MED12L: variants seen among roughly 807,000 people sequenced by gnomAD.
MED12L encodes mediator complex subunit 12L.
A neutral mutation model predicts 281.3 loss-of-function variants in MED12L; 60 were observed. The ratio of observed to expected loss-of-function variants is 0.21; its 90% CI spans 0.17 to 0.26. The LOEUF is 0.26. Ranked by LOEUF, MED12L falls within the 10% of genes least tolerant of loss-of-function variation. MED12L has a pLI of 1.00. For synonymous variants in MED12L, 974 were observed against 987.2 expected, an observed-to-expected ratio of 0.99 and a Z score of 0.25; for missense variants, 2,146 against 2,680.9, an observed-to-expected ratio of 0.80 and a Z score of 4.41.
chr3:151,320,888 C>A (rs1432954723), intron 16 of MED12L, among the ~76,000 whole-genome samples: 3 of 152,282 alleles, frequency 2.0e-5, no homozygotes, highest in Middle Eastern at 3.4e-3. Context: ...TTACTTTGGG[C>A]AAAGCATATC....
intron 16 of MED12L, chr3:151,213,085 A>T (rs1727448849): frequency 2.8e-6 from 1 of 361,950 alleles, no homozygotes; most frequent in East Asian, 4.5e-5. Context: ...TTAATAGAGA[A>T]TAGAAAGGTC....
chr3:151,168,242 T>G (rs1026075117), intron 11 of MED12L, among the ~76,000 whole-genome samples: 2 of 152,234 alleles, frequency 1.3e-5, no homozygotes, highest in Non-Finnish European at 2.9e-5. Flanking sequence ...AGAAGGTTAT[T>G]AGAACTTCTG....
chr3:151,250,021 CAAAGCTCTCCCTT>C (rs1157757608), intron 16 of MED12L, among the ~76,000 whole-genome samples: 1 of 152,160 alleles, frequency 6.6e-6, no homozygotes, highest in African/African-American at 2.4e-5. Flanking sequence ...CGAAAACCCT[CAAAGCTCTCCCTT>C]AAATGTGAAT....
chr3:151,116,418 A>G lies in MED12L; in HGVS notation c.180A>G (p.Arg60=). The change falls in exon 3 of 45, where the codon AGA becomes AGG. Residue 60 remains arginine (R), a synonymous_variant. Transcript: ENST00000687756. ...CTGGAGATGAACATGGCTCAGCCAGAAATATTGTAATTAACCCATCAAAGG... is the reference window on the plus strand; with the variant it reads ...CTGGAGATGAACATGGCTCAGCCAGGAATATTGTAATTAACCCATCAAAGG... The part of the protein sequence containing the change: ...AFTGDEHGSA[R]NIVINPSKIG... The G allele has an allele frequency of 6.2e-7, 1 of 1,612,492 alleles. No homozygotes were observed.
intron 5 of MED12L, among the ~76,000 whole-genome samples, chr3:151,141,178 G>GGTTTTTTTTTTTTT (rs1716898488): frequency 9.8e-6 from 1 of 102,190 alleles, no homozygotes; most frequent in Non-Finnish European, 1.9e-5. Context: ...TTTTTTTTTT[G>GGTTTTTTTTTTTTT]TTTTTTTTGT....
intron 16 of MED12L, among the ~76,000 whole-genome samples, chr3:151,342,748 A>G (rs971229335): frequency 1.3e-5 from 2 of 152,206 alleles, no homozygotes; most frequent in Admixed American, 1.3e-4. Flanking sequence ...TGTTATTTTT[A>G]AATATGACTA....
chr3:151,338,828 G>A lies in MED12L; in HGVS notation c.2251-11231G>A, dbSNP rs6785930. On this transcript the variant is annotated intron_variant, in intron 16 of 44. Coordinates refer to ENST00000687756, the MANE Select transcript of MED12L (RefSeq NM_001393769.1). ...TGGTGTTACCAGGCGCAGAGGTGAG[G>A]TTGTCGACGGCTTGCATTTCTTGTT... 0.3 allele frequency: 486,228 copies of A among 1,610,536 alleles called. 74,988 individuals carry two copies. Among genetic ancestry groups the A allele is most frequent in the Admixed American group, 0.31 (18,767 of 59,892 alleles).
intron 23 of MED12L, among the ~76,000 whole-genome samples, chr3:151,366,890 C>T (rs1041399328): frequency 5.3e-5 from 8 of 152,080 alleles, no homozygotes; most frequent in Non-Finnish European, 1.2e-4. Flanking sequence ...ACTTTACCTT[C>T]TGCAATTCCT....
At chr3:151,360,235 T>G (rs1407381386) in intron 20 of MED12L, among the ~76,000 whole-genome samples, 4 of 152,170 alleles carry the variant, frequency 2.6e-5, no homozygotes, top group Admixed American at 1.3e-4. Flanking sequence ...AGGAATTTCT[T>G]TCCTTGCTTT....
At chr3:151,373,871 G>A (rs1232974909) in intron 27 of MED12L, among the ~76,000 whole-genome samples, 5 of 152,094 alleles carry the variant, frequency 3.3e-5, no homozygotes, top group Non-Finnish European at 7.4e-5. Flanking sequence ...AGCAGAGAAC[G>A]TTACTGAGAA....
At chr3:151,334,196 C>CTTTTTTTTTTTTTTCTTTTTTTTTT (rs71138494) in intron 16 of MED12L, among the ~76,000 whole-genome samples, 1 of 118,230 alleles carries the variant, frequency 8.5e-6, no homozygotes, top group Non-Finnish European at 1.7e-5. Context: ...TTCTTTCTTT[C>CTTTTTTTTTTTTTTCTTTTTTTTTT]TTTTTTTTTT....
intron 16 of MED12L, among the ~76,000 whole-genome samples, chr3:151,264,589 T>C (rs777070213): frequency 1.3e-5 from 2 of 152,326 alleles, no homozygotes; most frequent in Admixed American, 1.3e-4. Context: ...CCTGAAATTG[T>C]TTCCCTCAAA....
chr3:151,337,220 A>T (rs185223811), intron 16 of MED12L, among the ~76,000 whole-genome samples: 1 of 152,202 alleles, frequency 6.6e-6, no homozygotes, highest in African/African-American at 2.4e-5. Flanking sequence ...TTTATCTTCT[A>T]AATAAACATA....
intron 16 of MED12L, chr3:151,326,699 AG>A (rs1462842903): frequency 1.3e-5 from 2 of 152,240 alleles, no homozygotes; most frequent in Admixed American, 1.3e-4. Context: ...CCAGAAAGGT[AG>A]GCAAGTTCTA....
chr3:151,123,468 A>G (rs541685494), intron 4 of MED12L, among the ~76,000 whole-genome samples: 7 of 152,314 alleles, frequency 4.6e-5, no homozygotes, highest in African/African-American at 1.7e-4. Flanking sequence ...AGGTTTATTC[A>G]TAGCTTCTAG....
intron 16 of MED12L, chr3:151,198,227 A>T (rs1724941889): frequency 2.2e-6 from 1 of 454,804 alleles, no homozygotes; most frequent in Non-Finnish European, 3.8e-6. Context: ...ATTTGGGTTA[A>T]TGAGTAGCAG....
intron 3 of MED12L, among the ~76,000 whole-genome samples, chr3:151,122,440 C>T (rs6414377): frequency 0.3 from 46,099 of 151,940 alleles, 9,015 homozygotes; most frequent in African/African-American, 0.56. Flanking sequence ...CTGACGGGTG[C>T]GTAGTATTAG....
chr3:151,427,622 T>G (rs1719019507), intron 43 of MED12L, among the ~76,000 whole-genome samples: 1 of 152,258 alleles, frequency 6.6e-6, no homozygotes, highest in African/African-American at 2.4e-5. Flanking sequence ...CCCAATATGC[T>G]GTTCAATCAG....
At position 151,384,264 on chromosome 3, in the gene MED12L, A is replaced by G. The variant is rs371324640; in HGVS notation, c.4926+46A>G. Reference sequence around the variant, plus strand: ...TATTATGAGCTCAAGTTGTTTATGGATTTATTATCTAGTGCATTTTAATTT... The same window carrying G: ...TATTATGAGCTCAAGTTGTTTATGGGTTTATTATCTAGTGCATTTTAATTT... On this transcript the variant is annotated intron_variant, in intron 35 of 44. Coordinates refer to ENST00000687756, the MANE Select transcript of MED12L (RefSeq NM_001393769.1). 2.6e-5 allele frequency: 40 copies of G among 1,535,386 alleles called. No homozygotes were observed. The African/African-American group carries it at 5.1e-4, about 20-fold the overall frequency.
Sources: allele counts gnomAD v4.1 joint callset (sites outside exome capture counted in the v4.1 genomes callset), GRCh38; gene constraint gnomAD v4.1.1; transcripts MANE v1.5; gene names NCBI Gene and HGNC (gene_info 2026-07-23, HGNC 2026-07-21).